Variants in DMRT1 observed in about 807,000 individuals in gnomAD.
The protein encoded by DMRT1 is doublesex- and mab-3-related transcription factor 1.
DMRT1 carries 7 observed loss-of-function variants against 32.3 expected under a neutral mutation model. The observed-to-expected ratio is 0.22, with a 90% CI of 0.12 to 0.41. DMRT1 has a LOEUF of 0.41. Among genes scored for constraint, DMRT1 ranks in the 10% least tolerant of loss-of-function variants. The probability of loss-of-function intolerance (pLI) is 1.00; values close to 1 mark genes in which losing one functional copy is unlikely to be tolerated. For synonymous variants in DMRT1, 278 were observed against 206.1 expected, an observed-to-expected ratio of 1.35 and a Z score of -2.99; for missense variants, 625 against 500.5, an observed-to-expected ratio of 1.25 and a Z score of -2.37.
chr9:931,906 G>C (rs2129863209), intron 4 of DMRT1, among the ~76,000 whole-genome samples: 1 of 152,272 alleles, frequency 6.6e-6, no homozygotes, highest in South Asian at 2.1e-4. Flanking sequence ...ATGAGATTTG[G>C]TGGGTCGGTG....
At chr9:854,474 G>A (rs1237738424) in intron 2 of DMRT1, among the ~76,000 whole-genome samples, 1 of 152,014 alleles carries the variant, frequency 6.6e-6, no homozygotes, top group African/African-American at 2.4e-5. Context: ...AGTAGAGACA[G>A]GGTTTTGCCA....
chr9:958,723 C>G (rs529297511), intron 4 of DMRT1, among the ~76,000 whole-genome samples: 2 of 152,264 alleles, frequency 1.3e-5, no homozygotes, highest in African/African-American at 4.8e-5. Flanking sequence ...AGATGCACAT[C>G]CTAAGTGTAA....
chr9:924,396 T>C (rs59989930), intron 4 of DMRT1, among the ~76,000 whole-genome samples: 17,933 of 152,166 alleles, frequency 0.12, 1,455 homozygotes, highest in African/African-American at 0.23. Context: ...GAGCTTCAGT[T>C]ACATCTGGAA....
At chr9:877,079 C>A (rs916361498) in intron 2 of DMRT1, among the ~76,000 whole-genome samples, 1 of 152,130 alleles carries the variant, frequency 6.6e-6, no homozygotes, top group Non-Finnish European at 1.5e-5. Context: ...ATGAAATTAC[C>A]TCCAAGGACT....
At chr9:911,660 T>C (rs1390196088) in intron 3 of DMRT1, among the ~76,000 whole-genome samples, 1 of 151,870 alleles carries the variant, frequency 6.6e-6, no homozygotes, top group Admixed American at 6.6e-5. Context: ...ACCCAGCTAA[T>C]TGTTTGTATT....
intron 3 of DMRT1, among the ~76,000 whole-genome samples, chr9:915,689 A>G (rs1056823158): frequency 2.0e-5 from 3 of 151,914 alleles, no homozygotes; most frequent in Admixed American, 6.6e-5. Flanking sequence ...CCCATTACAC[A>G]TGGTTTGCAT....
intron 3 of DMRT1, among the ~76,000 whole-genome samples, chr9:902,985 C>T (rs374466818): frequency 6.6e-6 from 1 of 152,126 alleles, no homozygotes; most frequent in Non-Finnish European, 1.5e-5. Flanking sequence ...TCATGATAGA[C>T]CCTAGAAAGT....
intron 3 of DMRT1, among the ~76,000 whole-genome samples, chr9:895,621 C>G (rs1817325042): frequency 2.0e-5 from 3 of 152,080 alleles, no homozygotes; most frequent in Non-Finnish European, 4.4e-5. Flanking sequence ...ACAATGATTG[C>G]CACAATTAAG....
intron 2 of DMRT1, among the ~76,000 whole-genome samples, chr9:859,681 A>G (rs574544953): frequency 2.3e-4 from 35 of 152,348 alleles, no homozygotes; most frequent in Admixed American, 7.8e-4. Context: ...CAGTCTCTAA[A>G]ACGTCTGCAG....
chr9:927,111 G>A (rs374686057), intron 4 of DMRT1, among the ~76,000 whole-genome samples: 7 of 152,224 alleles, frequency 4.6e-5, no homozygotes, highest in African/African-American at 1.7e-4. Flanking sequence ...CAGGGATGGC[G>A]TGGAGTACTT....
At chr9:915,147 G>A (rs1418285420) in intron 3 of DMRT1, among the ~76,000 whole-genome samples, 2 of 152,170 alleles carry the variant, frequency 1.3e-5, no homozygotes, top group African/African-American at 4.8e-5. Context: ...ATCGAATTTT[G>A]TTTAAAAGCG....
chr9:866,038 C>T (rs1372100108), intron 2 of DMRT1, among the ~76,000 whole-genome samples: 1 of 151,692 alleles, frequency 6.6e-6, no homozygotes, highest in Non-Finnish European at 1.5e-5. Flanking sequence ...GTGGTGGGTG[C>T]CTGTAATCCC....
At chr9:917,938 A>G (rs1818235484) in intron 4 of DMRT1, among the ~76,000 whole-genome samples, 1 of 152,232 alleles carries the variant, frequency 6.6e-6, no homozygotes, top group African/African-American at 2.4e-5. Context: ...ACTTTTATTA[A>G]GAATCACTTT....
intron 4 of DMRT1, among the ~76,000 whole-genome samples, chr9:963,695 C>T (rs890085827): frequency 4.6e-5 from 7 of 152,148 alleles, no homozygotes; most frequent in African/African-American, 1.7e-4. Context: ...CTAAGATAAT[C>T]CTAATTATTT....
chr9:898,160 T>G lies in DMRT1; in HGVS notation c.822+3965T>G, dbSNP rs141530517. On this transcript the variant is annotated intron_variant, in intron 3 of 4. Coordinates refer to ENST00000382276, the MANE Select transcript of DMRT1 (RefSeq NM_021951.3). ...TTTGAGACAGGGCCTCACTCTGTCA[T>G]TCAGGCTGGCGTGCAGTGGCGTGAT... 1.9e-4 allele frequency among the ~76,000 whole-genome samples: 28 copies of G among 146,878 alleles called. No homozygotes were observed. In the East Asian group the frequency reaches 6.3e-3, roughly 33 times the overall value.
chr9:911,470 ATT>A (rs201141931), intron 3 of DMRT1, among the ~76,000 whole-genome samples: 10 of 66,958 alleles, frequency 1.5e-4, no homozygotes, highest in Admixed American at 1.6e-4. Flanking sequence ...GGTTAATTGC[ATT>A]TTTTTTTTTT....
intron 2 of DMRT1, among the ~76,000 whole-genome samples, chr9:870,209 G>C (rs10758984): frequency 0.76 from 114,967 of 151,976 alleles, 43,551 homozygotes; most frequent in Middle Eastern, 0.78. Context: ...ACCAGCCTGG[G>C]TAACACGGTG....
At chr9:963,870 C>T (rs1239222891) in intron 4 of DMRT1, among the ~76,000 whole-genome samples, 2 of 152,180 alleles carry the variant, frequency 1.3e-5, no homozygotes, top group South Asian at 2.1e-4. Context: ...ATCAGCTTTT[C>T]ATCAGATTCT....
At chr9:952,944 G>T (rs1293880191) in intron 4 of DMRT1, among the ~76,000 whole-genome samples, 1 of 152,074 alleles carries the variant, frequency 6.6e-6, no homozygotes, top group African/African-American at 2.4e-5. Flanking sequence ...AAGCCGAAAG[G>T]GTTTTTTTCC....
Sources: gnomAD v4.1 joint callset for allele counts (sites outside exome capture counted in the v4.1 genomes callset) on GRCh38, gnomAD v4.1.1 for gene constraint, MANE v1.5 for transcripts, NCBI Gene and HGNC (gene_info 2026-07-23, HGNC 2026-07-21) for gene names.